LY75: variants seen among roughly 807,000 people sequenced by gnomAD.
The protein encoded by LY75 is lymphocyte antigen 75.
In LY75, 185 loss-of-function variants were observed where a neutral mutation model predicts 231.7. The observed-to-expected ratio is 0.80, with a 90% CI of 0.71 to 0.90. LY75 has a LOEUF of 0.90. LY75 is among the 40% of genes least tolerant of loss of function. LY75 has a pLI of 0.00. For missense variants in LY75, 1,947 were observed against 2,050.2 expected (o/e 0.95, Z 0.97); for synonymous variants, 668 against 689.0 (o/e 0.97, Z 0.48).
At chr2:159,851,141 A>G (rs568493868) in intron 21 of LY75, among the ~76,000 whole-genome samples, 5 of 152,036 alleles carry the variant, frequency 3.3e-5, no homozygotes, top group Non-Finnish European at 7.4e-5. Flanking sequence ...TTTAATTCAA[A>G]TTTATATCAG....
rs556428045 is a variant in LY75, at chr2:159,858,255, C to A, written c.2383+107G>T. ...ATATTAATTGCATCATCATCATAGGCTTTTAGACATCAGAATTATAGATCA... is the reference window on the plus strand; with the variant it reads ...ATATTAATTGCATCATCATCATAGGATTTTAGACATCAGAATTATAGATCA... On this transcript the variant is annotated intron_variant, in intron 16 of 34. Transcript: ENST00000263636. 7.9e-6 allele frequency: 11 copies of A among 1,390,258 alleles called. No homozygotes were observed. In the Admixed American group the frequency reaches 1.2e-4, roughly 16 times the overall value. The allele number at this position is 1,390,258 out of a possible 1,614,324, so 86.1% of individuals were successfully genotyped here. A position where few individuals can be genotyped will look rare whatever the true frequency, so the allele number is the denominator to read the frequency against.
In LY75 at chr2:159,815,451, T is replaced by C; in HGVS notation, c.4503A>G (p.Lys1501=). 3 of 1,612,994 alleles carry C rather than the reference T, an allele frequency of 1.9e-6. No homozygotes were observed. The highest frequency in any genetic ancestry group is 2.5e-6 in the Non-Finnish European group (3 of 1,179,708). Residue 1501 remains lysine (K), a synonymous_variant, in exon 31 of 35, where the codon AAA becomes AAG. Coordinates refer to ENST00000263636, the MANE Select transcript of LY75 (RefSeq NM_002349.4). ...LDPKGTWKHE[K]CNSVKDGAIC... The stretch of plus-strand genomic sequence containing the variant: ...TAGCACCATCCTTAACAGAGTTGCA[T>C]TTTTCATGTTTCCAAGTTCCTTTTG...
chr2:159,829,313 A>G (rs563137943), intron 28 of LY75, among the ~76,000 whole-genome samples: 1 of 152,216 alleles, frequency 6.6e-6, no homozygotes, highest in East Asian at 1.9e-4. Context: ...CTTCTCCTAA[A>G]CTTCAAAGTT....
At position 159,882,308 on chromosome 2, in the gene LY75, C is replaced by T. The variant is rs749489200; in HGVS notation, c.1062G>A (p.Trp354Ter). The T allele has an allele frequency of 2.5e-6, 4 of 1,613,132 alleles. No homozygotes were observed. The highest frequency in any genetic ancestry group is 3.4e-6 in the Non-Finnish European group (4 of 1,179,590). The change falls in exon 7 of 35, where the codon TGG becomes TGA. Residue 354 changes from tryptophan (W) to a stop codon, truncating the protein, a stop_gained. Transcript: ENST00000263636. LOFTEE classifies it high-confidence loss of function. ...CATCACAGCGGGTATCTGAGTATGT[C>T]CAGACATCTGGGGGAAAAGCAGCTA... ...LNNTVELTDVWTYSDTRCDAG... is the reference protein window; with the variant it reads ...LNNTVELTDV
chr2:159,822,028 C>T (rs1471592583), intron 28 of LY75, among the ~76,000 whole-genome samples: 2 of 152,236 alleles, frequency 1.3e-5, no homozygotes, highest in Admixed American at 6.5e-5. Context: ...AGGGTCTTTG[C>T]AACCTGCAAA....
chr2:159,820,122 T>C (rs1683244119), intron 28 of LY75, among the ~76,000 whole-genome samples: 1 of 152,236 alleles, frequency 6.6e-6, no homozygotes, highest in Admixed American at 6.5e-5. Context: ...AAATACAAAC[T>C]ATAAATATTG....
chr2:159,854,890 T>C lies in LY75; in HGVS notation c.2419+14A>G. The C allele has an allele frequency of 1.2e-6, 2 of 1,613,492 alleles. No individual in the cohort carries two copies. The highest frequency in any genetic ancestry group is 1.7e-6 in the Non-Finnish European group (2 of 1,179,714). ...AAAAGCAGCTTTGGTTAAATTTCAGTTTTCTTAACTCACCTGGATTGTACC... is the reference window on the plus strand; with the variant it reads ...AAAAGCAGCTTTGGTTAAATTTCAGCTTTCTTAACTCACCTGGATTGTACC... On this transcript the variant is annotated intron_variant, in intron 17 of 34. Coordinates refer to ENST00000263636, the MANE Select transcript of LY75 (RefSeq NM_002349.4).
chr2:159,837,556 T>C (rs1027244383), intron 25 of LY75, among the ~76,000 whole-genome samples: 5 of 152,100 alleles, frequency 3.3e-5, no homozygotes, highest in African/African-American at 1.2e-4. Flanking sequence ...ACTATTTGGG[T>C]GACAGGTTCA....
At chr2:159,884,531 T>C (rs553494518) in intron 6 of LY75, among the ~76,000 whole-genome samples, 2 of 152,186 alleles carry the variant, frequency 1.3e-5, no homozygotes, top group Admixed American at 1.3e-4. Flanking sequence ...ACCTCTCCTT[T>C]TTTACTTGAT....
At position 159,810,581 on chromosome 2, in the gene LY75, C is replaced by G. The variant is rs1237924545; in HGVS notation, c.4644G>C (p.Lys1548Asn). 6.2e-7 allele frequency: 1 copy of G among 1,614,130 alleles called. No individual in the cohort carries two copies. The change falls in exon 32 of 35, where the codon AAG (lysine) becomes AAC (asparagine). Residue 1548 changes from lysine to asparagine, a missense_variant. By Grantham distance (94) the Lys-to-Asn change is moderately conservative. Transcript: ENST00000263636. ...AAAAACTGTGCAATGCCTGATCAGA[C>G]TTGTAACAGTGACCCTTGTACTGGA... Reference protein sequence around the residue: ...RWIQYKGHCYKSDQALHSFSE... With the variant: ...RWIQYKGHCYNSDQALHSFSE...
chr2:159,894,194 T>C (rs1296121141), intron 2 of LY75, 110 bp from the exon 3 acceptor site: 1 of 1,320,586 alleles, frequency 7.6e-7, no homozygotes, highest in Admixed American at 2.6e-5. Flanking sequence ...GAATACAATA[T>C]CCGAGTGTAG....
intron 29 of LY75, 96 bp from the exon 30 acceptor site, chr2:159,817,128 A>C (rs1203816839): frequency 7.6e-7 from 1 of 1,312,288 alleles, no homozygotes; most frequent in Non-Finnish European, 1.0e-6. Flanking sequence ...AGTTAAATAA[A>C]ACTGGGTTTC....
intron 31 of LY75, among the ~76,000 whole-genome samples, chr2:159,811,530 T>C (rs1682960963): frequency 6.6e-6 from 1 of 152,260 alleles, no homozygotes; most frequent in African/African-American, 2.4e-5. Context: ...TCTGACCTGG[T>C]ACCAGTCAGT....
chr2:159,805,506 C>G (rs967134827), intron 34 of LY75, among the ~76,000 whole-genome samples: 5 of 152,212 alleles, frequency 3.3e-5, no homozygotes, highest in African/African-American at 1.2e-4. Context: ...TGATTATTCT[C>G]ACATTCCCCC....
Position 159,833,129 on chromosome 2 carries a change from C to CTTT in LY75, c.3841+912_3841+914dup, listed in dbSNP as rs5835769. 2.3e-4 allele frequency among the ~76,000 whole-genome samples: 31 copies of CTTT among 133,976 alleles called. 1 individual carries two copies. The highest frequency in any genetic ancestry group is 7.3e-4 in the African/African-American group (26 of 35,580). 87.9% of individuals were successfully genotyped at this position (133,976 alleles called of 152,430 possible). On this transcript the variant is annotated intron_variant, in intron 27 of 34. Transcript: ENST00000263636. ...TTGTGTGTCATTTCTTTCCCCCTTC[C>CTTT]TTTTTTTTTTTTTTTTTGGAGATAG... is the stretch of plus-strand genomic sequence containing the variant.
intron 30 of LY75, among the ~76,000 whole-genome samples, chr2:159,816,301 A>G (rs1421277698): frequency 6.6e-6 from 1 of 152,228 alleles, no homozygotes; most frequent in African/African-American, 2.4e-5. Flanking sequence ...TTCTAGAGGA[A>G]AAGTGGGAAG....
chr2:159,845,211 T>C (rs562726295), intron 23 of LY75, among the ~76,000 whole-genome samples: 1 of 152,292 alleles, frequency 6.6e-6, no homozygotes, highest in Non-Finnish European at 1.5e-5. Flanking sequence ...ATGTCAATTC[T>C]CCCAAACATG....
intron 14 of LY75, among the ~76,000 whole-genome samples, chr2:159,863,125 A>T (rs1035055226): frequency 6.0e-5 from 9 of 151,190 alleles, no homozygotes; most frequent in Non-Finnish European, 1.3e-4. Context: ...CCATGTTGTC[A>T]CAAACGGCAG....
Position 159,898,647 on chromosome 2 carries a change from G to A in LY75, c.466+41C>T, listed in dbSNP as rs577530125. ...GCATGTTTAATGCCACATGTGACAA[G>A]CACAACAGCAAATCGGTCAAAGTCC... is the stretch of plus-strand genomic sequence containing the variant. On this transcript the variant is annotated intron_variant, in intron 2 of 34. Transcript: ENST00000263636. The A allele has an allele frequency of 1.4e-4, 219 of 1,575,644 alleles. No individual in the cohort carries two copies. In the South Asian group the frequency reaches 2.4e-3, roughly 17 times the overall value.
Sources: gnomAD v4.1 joint callset for allele counts (sites outside exome capture counted in the v4.1 genomes callset) on GRCh38, gnomAD v4.1.1 for gene constraint, MANE v1.5 for transcripts, NCBI Gene and HGNC (gene_info 2026-07-23, HGNC 2026-07-21) for gene names.